Variants in HEXB observed in about 807,000 individuals in gnomAD.
HEXB encodes the protein beta-hexosaminidase subunit beta.
Under a neutral mutation model 71.2 loss-of-function variants are expected in HEXB, and 51 were observed. The observed-to-expected ratio is 0.72, with a 90% confidence interval of 0.57 to 0.90. The LOEUF is 0.90. Ranked by LOEUF, HEXB falls within the 40% of genes least tolerant of loss-of-function variation. The pLI, the probability that HEXB is intolerant of heterozygous loss-of-function variation, is 0.00. For missense variants in HEXB, 617 were observed against 677.0 expected (o/e 0.91, Z 0.98); for synonymous variants, 266 against 249.3 (o/e 1.07, Z -0.63).
At chr5:74,681,056 A>G (rs1046656163), upstream of HEXB, among the ~76,000 whole-genome samples, 3 of 152,190 alleles carry the variant, frequency 2.0e-5, no homozygotes, top group Admixed American at 1.3e-4. Context: ...ATCGTGAGCA[A>G]ACCATTTAGT....
At chr5:74,700,857 G>A (rs944243748) in intron 5 of HEXB, among the ~76,000 whole-genome samples, 20 of 152,002 alleles carry the variant, frequency 1.3e-4, no homozygotes, top group South Asian at 1.2e-3. Context: ...ACAGGTGCCC[G>A]CCATCATGCC....
intron 3 of HEXB, among the ~76,000 whole-genome samples, chr5:74,695,860 A>G (rs1749102321): frequency 6.7e-6 from 1 of 149,966 alleles, no homozygotes; most frequent in African/African-American, 2.4e-5. Context: ...AAAAAAAGAT[A>G]AAACCACTCT....
chr5:74,714,292 G>A (rs1749622983), intron 7 of HEXB, among the ~76,000 whole-genome samples: 1 of 152,200 alleles, frequency 6.6e-6, no homozygotes, highest in Admixed American at 6.5e-5. Context: ...TCTATTGTGA[G>A]CAAGTCATTG....
chr5:74,701,869 G>C (rs1453216589), intron 5 of HEXB, among the ~76,000 whole-genome samples: 1 of 151,814 alleles, frequency 6.6e-6, no homozygotes, highest in Non-Finnish European at 1.5e-5. Flanking sequence ...TTAAAAAAAG[G>C]ACATTTAATA....
At chr5:74,655,461 C>T (rs898982124) in intron 1 of HEXB, among the ~76,000 whole-genome samples, 2 of 151,422 alleles carry the variant, frequency 1.3e-5, no homozygotes, top group Admixed American at 6.6e-5. Flanking sequence ...TACAGGCCTG[C>T]ACCACAATGC....
intron 6 of HEXB, among the ~76,000 whole-genome samples, chr5:74,706,491 G>C (rs1296314352): frequency 1.3e-5 from 2 of 152,222 alleles, no homozygotes; most frequent in African/African-American, 4.8e-5. Flanking sequence ...AGCAGGGTGA[G>C]GCGTTGCCTC....
intron 1 of HEXB, among the ~76,000 whole-genome samples, chr5:74,679,248 AG>A (rs1186124816): frequency 6.6e-6 from 1 of 152,240 alleles, no homozygotes; most frequent in Admixed American, 6.5e-5. Context: ...GGTTAGTGAA[AG>A]CATGAGGTAC....
rs1749595582 is a variant in HEXB at position 74,713,357 on chromosome 5, A to T, written c.772-149A>T. ...GAAACTATGGCACTATATTATTTTT[A>T]AATGAGTCATCTAATATCACATGAA... On this transcript the variant is annotated intron_variant, in intron 6 of 13. Transcript: ENST00000261416. 1.6e-5 allele frequency: 12 copies of T among 734,480 alleles called. No individual in the cohort carries two copies. In the South Asian group the frequency reaches 1.9e-4, roughly 12 times the overall value. The allele number at this position is 734,480 out of a possible 1,614,324, so 45.5% of individuals were successfully genotyped here. A position where few individuals can be genotyped will look rare whatever the true frequency, so the allele number is the denominator to read the frequency against.
chr5:74,714,809 TAAATCTGGAAAAGCAC>T, intron 7 of HEXB, among the ~76,000 whole-genome samples: 1 of 152,230 alleles, frequency 6.6e-6, no homozygotes, highest in Middle Eastern at 3.4e-3. Flanking sequence ...TAGTGAGAGG[TAAATCTGGAAAAGCAC>T]ATTAGCGGGC....
rs1431357819 is a variant in HEXB, at chr5:74,685,342, G to C, written c.82G>C (p.Ala28Pro). 1 of 1,581,534 alleles carries C rather than the reference G, an allele frequency of 6.3e-7. No individual in the cohort carries two copies. Among genetic ancestry groups the C allele is most frequent in the Non-Finnish European group, 8.6e-7 (1 of 1,165,664 alleles). ...GGCGACACTGCTGGCGGCGATGTTG[G>C]CGCTGCTGACTCAGGTGGCGCTGGT... ...LLATLLAAML[A>P]LLTQVALVVQ... Residue 28 changes from alanine (A) to proline (P), a missense_variant, in exon 1 of 14, where the codon GCG (alanine) becomes CCG (proline). By Grantham distance (27) the Ala-to-Pro change is conservative. Coordinates refer to ENST00000261416, the MANE Select transcript of HEXB (RefSeq NM_000521.4).
chr5:74,654,174 T>C (rs1748174368), intron 1 of HEXB, among the ~76,000 whole-genome samples: 3 of 151,246 alleles, frequency 2.0e-5, no homozygotes, highest in Admixed American at 6.6e-5. Context: ...ATCTCTGGAA[T>C]GTGGCTCACT....
rs1487067793 is a variant in HEXB at position 74,661,555 on chromosome 5, G to C, written c.-377+20997G>C. Among the ~76,000 whole-genome samples, 75 of 69,794 alleles carry C rather than the reference G, an allele frequency of 1.1e-3. 1 individual carries two copies. Among genetic ancestry groups the C allele is most frequent in the African/African-American group, 4.6e-3 (57 of 12,516 alleles). 45.8% of individuals were successfully genotyped at this position (69,794 alleles called of 152,430 possible). ...TGTGTGTGTGTGTGTGTGTGTGTGT[G>C]TGTGTGTGTCTCTCTCTCTCTCTCT... On this transcript the variant is annotated intron_variant, in intron 1 of 13. Transcript: ENST00000511181.
At chr5:74,712,435 A>AG (rs1749569186) in intron 6 of HEXB, among the ~76,000 whole-genome samples, 1 of 151,782 alleles carries the variant, frequency 6.6e-6, no homozygotes, top group Admixed American at 6.6e-5. Context: ...TATGATAATA[A>AG]TAAAAAAAAG....
chr5:74,657,609 C>A (rs1244973172), intron 1 of HEXB, among the ~76,000 whole-genome samples: 1 of 152,204 alleles, frequency 6.6e-6, no homozygotes, highest in Non-Finnish European at 1.5e-5. Flanking sequence ...GCTGATTCCT[C>A]ATGCACAAAA....
chr5:74,657,878 C>T (rs1333544891), intron 1 of HEXB, among the ~76,000 whole-genome samples: 5 of 152,120 alleles, frequency 3.3e-5, no homozygotes, highest in Admixed American at 6.6e-5. Context: ...GCCTATGTTA[C>T]GCTTTTGTTG....
At chr5:74,705,555 A>G (rs1477278293) in intron 6 of HEXB, 1 of 501,910 alleles carries the variant, frequency 2.0e-6, no homozygotes, top group Non-Finnish European at 3.6e-6. Flanking sequence ...GGGGAAGTGT[A>G]AATCGAAATT....
In HEXB at chr5:74,641,004, G is replaced by A. The variant is rs1747857697; in HGVS notation, c.-377+446G>A. 1 of 152,218 alleles carries A rather than the reference G, an allele frequency of 6.6e-6. No individual in the cohort carries two copies. Among genetic ancestry groups the A allele is most frequent in the Non-Finnish European group, 1.5e-5 (1 of 68,074 alleles). The allele number at this position is 152,218 out of a possible 1,614,324, so 9.4% of individuals were successfully genotyped here. ...CAGCCGCTGGCAGCTGCAACCCCGG[G>A]AACCGAGAATAAAATAAGTTTTCCC... On this transcript the variant is annotated intron_variant, in intron 1 of 13. Transcript: ENST00000511181. The surrounding 1 kb of genome is among the most constrained non-coding windows in gnomAD (Gnocchi z 4.1).
At chr5:74,661,513 CTGTGTG>C (rs1179218651) in intron 1 of HEXB, among the ~76,000 whole-genome samples, 1,237 of 84,856 alleles carry the variant, frequency 0.015, 7 homozygotes, top group African/African-American at 0.02. Context: ...TTCTCTCTCT[CTGTGTG>C]TGTGTGTGTG....
Position 74,717,887 on chromosome 5 carries a change from TG to T in HEXB, c.1170-403del, listed in dbSNP as rs1171877123. The stretch of plus-strand genomic sequence containing the variant: ...TAAATATCTGTAAATATTTGTGGAT[TG>T]TCAGTAACTGTTACATGTAATTTAT... On this transcript the variant is annotated intron_variant, in intron 9 of 13. Coordinates refer to ENST00000261416, the MANE Select transcript of HEXB (RefSeq NM_000521.4). Among the ~76,000 whole-genome samples, 3 of 152,286 alleles carry T rather than the reference TG, an allele frequency of 2.0e-5. No homozygotes were observed. The East Asian group carries it at 5.8e-4, about 29-fold the overall frequency.
Sources: gnomAD v4.1 joint callset for allele counts (sites outside exome capture counted in the v4.1 genomes callset) on GRCh38, gnomAD v4.1.1 for gene constraint, Gnocchi (gnomAD v3.1) non-coding constraint, MANE v1.5 for transcripts, NCBI Gene and HGNC (gene_info 2026-07-23, HGNC 2026-07-21) for gene names.